The following FHIT variants were observed in gnomAD, a reference collection of about 807,000 sequenced individuals.
FHIT encodes fragile histidine triad diadenosine triphosphatase.
Under a neutral mutation model 17.9 loss-of-function variants are expected in FHIT, and 19 were observed. The ratio of observed to expected loss-of-function variants is 1.06; its 90% CI spans 0.74 to 1.56. FHIT has a LOEUF of 1.56. FHIT is among the 40% of genes most tolerant of loss of function. FHIT has a pLI of 0.00. For missense variants in FHIT, 248 were observed against 189.2 expected, an observed-to-expected ratio of 1.31 and a Z score of -1.82; for synonymous variants, 81 against 69.7, an observed-to-expected ratio of 1.16 and a Z score of -0.81.
chr3:61,222,790 C>A (rs760117333), intron 1 of FHIT, among the ~76,000 whole-genome samples: 1 of 152,068 alleles, frequency 6.6e-6, no homozygotes, highest in Non-Finnish European at 1.5e-5. Flanking sequence ...AGGGTGGAAA[C>A]AATGGGGGGA....
At position 60,387,081 on chromosome 3, in the gene FHIT, A is replaced by G. The variant is rs530446578; in HGVS notation, c.103+149779T>C. On this transcript the variant is annotated intron_variant, in intron 5 of 9. Coordinates refer to ENST00000492590, the MANE Select transcript of FHIT (RefSeq NM_002012.4). The stretch of plus-strand genomic sequence containing the variant: ...CAGCTCACTGCAACCTCTACTTCCC[A>G]GGTTCAAGCGATTCTCCTGCCTCAG... Among the ~76,000 whole-genome samples, 341 of 140,036 alleles carry G rather than the reference A, an allele frequency of 2.4e-3. 4 individuals carry two copies. Among genetic ancestry groups the G allele is most frequent in the Non-Finnish European group, 2.7e-3 (181 of 66,058 alleles). 91.9% of individuals were successfully genotyped at this position (140,036 alleles called of 152,430 possible).
intron 4 of FHIT, among the ~76,000 whole-genome samples, chr3:60,689,281 G>A (rs2040932489): frequency 6.6e-6 from 1 of 152,054 alleles, no homozygotes. Context: ...CCCAGTCTCA[G>A]GTATGTCTTT....
chr3:60,031,604 TA>T (rs1337216109), intron 5 of FHIT, among the ~76,000 whole-genome samples: 3 of 152,238 alleles, frequency 2.0e-5, no homozygotes, highest in African/African-American at 7.2e-5. Context: ...CATTTCAGAG[TA>T]ACCAAACAGC....
chr3:60,614,841 T>G (rs1486832425), intron 4 of FHIT, among the ~76,000 whole-genome samples: 3 of 79,544 alleles, frequency 3.8e-5, no homozygotes, highest in Admixed American at 1.6e-4. Flanking sequence ...GTTTTTTTTT[T>G]GTTTTTTGAG....
chr3:60,487,976 G>A lies in FHIT; in HGVS notation c.103+48884C>T, dbSNP rs79647958. Among the ~76,000 whole-genome samples the A allele has an allele frequency of 1.0e-3, 157 of 152,240 alleles. 3 individuals are homozygous for A. In the East Asian group the frequency reaches 0.024, roughly 24 times the overall value. ...CTGTTATAAATGCCAAGTATTAAAG[G>A]TTCTTTATTCAGCTATTTACAAGAC... On this transcript the variant is annotated intron_variant, in intron 5 of 9. Coordinates refer to ENST00000492590, the MANE Select transcript of FHIT (RefSeq NM_002012.4).
chr3:60,211,010 G>A (rs915460214), intron 5 of FHIT, among the ~76,000 whole-genome samples: 2 of 149,924 alleles, frequency 1.3e-5, no homozygotes, highest in African/African-American at 4.9e-5. Context: ...TTTATAAATA[G>A]GGGATGGAGT....
chr3:60,527,795 G>A (rs1345990600), intron 5 of FHIT, among the ~76,000 whole-genome samples: 5 of 152,178 alleles, frequency 3.3e-5, no homozygotes, highest in African/African-American at 9.7e-5. Context: ...AACTTCTCAG[G>A]ACACCCACCC....
intron 5 of FHIT, among the ~76,000 whole-genome samples, chr3:60,129,016 T>C (rs185195168): frequency 2.0e-5 from 3 of 151,756 alleles, no homozygotes; most frequent in Admixed American, 1.3e-4. Flanking sequence ...GGTTACTCTA[T>C]ACTTAATTTT....
intron 4 of FHIT, among the ~76,000 whole-genome samples, chr3:60,757,976 G>C (rs1404666770): frequency 6.6e-6 from 1 of 152,162 alleles, no homozygotes; most frequent in East Asian, 1.9e-4. Flanking sequence ...TCAGAGGCTG[G>C]CTTACATGGA....
At chr3:60,485,619 A>G (rs1296412132) in intron 5 of FHIT, among the ~76,000 whole-genome samples, 1 of 148,196 alleles carries the variant, frequency 6.7e-6, no homozygotes, top group Admixed American at 6.7e-5. Flanking sequence ...ACATGGACAC[A>G]GGGAGGGGAA....
chr3:60,144,846 G>C (rs564596397), intron 5 of FHIT, among the ~76,000 whole-genome samples: 7 of 152,132 alleles, frequency 4.6e-5, no homozygotes, highest in African/African-American at 1.4e-4. Flanking sequence ...CTCCTATCTG[G>C]CTGTTGATTG....
At chr3:60,050,589 G>A (rs1446883297) in intron 5 of FHIT, among the ~76,000 whole-genome samples, 1 of 139,984 alleles carries the variant, frequency 7.1e-6, no homozygotes, top group Non-Finnish European at 1.6e-5. Context: ...TCTACTGCAA[G>A]CCCTTTCATG....
chr3:60,180,472 T>A (rs1210445263), intron 5 of FHIT, among the ~76,000 whole-genome samples: 1 of 152,144 alleles, frequency 6.6e-6, no homozygotes, highest in Admixed American at 6.5e-5. Context: ...CTGAAGGAAT[T>A]TTCATGGAGA....
intron 2 of FHIT, among the ~76,000 whole-genome samples, chr3:61,066,726 A>G (rs6809125): frequency 0.54 from 82,203 of 151,842 alleles, 23,481 homozygotes; most frequent in Non-Finnish European, 0.65. Context: ...TCTCTTTAAG[A>G]ATTCTCCTAG....
intron 5 of FHIT, among the ~76,000 whole-genome samples, chr3:60,129,966 T>G (rs970335519): frequency 2.6e-5 from 4 of 152,164 alleles, no homozygotes; most frequent in Admixed American, 1.3e-4. Context: ...ACATTTCTCT[T>G]TAGGATTATC....
chr3:59,933,459 G>T (rs1411896615), intron 7 of FHIT, among the ~76,000 whole-genome samples: 4 of 152,086 alleles, frequency 2.6e-5, no homozygotes, highest in Non-Finnish European at 5.9e-5. Context: ...CTAAAAAATA[G>T]AAACTGTTGT....
intron 3 of FHIT, among the ~76,000 whole-genome samples, chr3:60,885,027 G>A (rs1393964560): frequency 7.4e-6 from 1 of 135,828 alleles, no homozygotes; most frequent in Non-Finnish European, 1.7e-5. Context: ...AAAGTTGATG[G>A]GTGCTACTAG....
At chr3:60,674,757 A>G (rs2040583245) in intron 4 of FHIT, among the ~76,000 whole-genome samples, 1 of 152,090 alleles carries the variant, frequency 6.6e-6, no homozygotes, top group South Asian at 2.1e-4. Context: ...TCTCTGGGCA[A>G]CCACTAGTGT....
intron 5 of FHIT, among the ~76,000 whole-genome samples, chr3:60,258,713 G>T (rs1252908311): frequency 1.3e-5 from 2 of 152,100 alleles, no homozygotes; most frequent in African/African-American, 4.8e-5. Context: ...ATAGGAAAAT[G>T]AAACCCTCAA....
Sources: gnomAD v4.1 joint callset for allele counts (sites outside exome capture counted in the v4.1 genomes callset) on GRCh38, gnomAD v4.1.1 for gene constraint, MANE v1.5 for transcripts, NCBI Gene and HGNC (gene_info 2026-07-23, HGNC 2026-07-21) for gene names.